The following CHCHD3 variants were observed in gnomAD, a reference collection of about 807,000 sequenced individuals.
CHCHD3 encodes coiled-coil-helix-coiled-coil-helix domain containing 3, also known as MICOS complex subunit MIC19.
In CHCHD3, 20 loss-of-function variants were observed where a neutral mutation model predicts 38.2. The observed-to-expected ratio is 0.52, with a 90% CI of 0.37 to 0.76. The LOEUF (loss-of-function observed/expected upper bound fraction) is 0.76. Ranked by LOEUF, CHCHD3 falls within the 30% of genes least tolerant of loss-of-function variation. The probability of loss-of-function intolerance (pLI) is 0.00; values close to 1 mark genes in which losing one functional copy is unlikely to be tolerated. For synonymous variants in CHCHD3, 82 were observed against 100.0 expected, an observed-to-expected ratio of 0.82 and a Z score of 1.07; for missense variants, 245 against 279.2, an observed-to-expected ratio of 0.88 and a Z score of 0.87.
chr7:132,932,086 A>G lies in CHCHD3; in HGVS notation c.369+43083T>C, dbSNP rs1268327944. On this transcript the variant is annotated intron_variant, in intron 4 of 7. Coordinates refer to ENST00000262570, the MANE Select transcript of CHCHD3 (RefSeq NM_017812.4). Reference sequence around the variant, plus strand: ...ATGGACACTGCAGGATATATTTACCATATTAATTTTTAAGTTTCAAAAGCA... The same window carrying G: ...ATGGACACTGCAGGATATATTTACCGTATTAATTTTTAAGTTTCAAAAGCA... Among the ~76,000 whole-genome samples, 4 of 152,298 alleles carry G rather than the reference A, an allele frequency of 2.6e-5. No homozygotes were observed. The East Asian group carries it at 7.7e-4, about 29-fold the overall frequency.
rs55790233 is a variant in CHCHD3, at chr7:133,004,939, T to C, written c.251+19607A>G. Reference sequence around the variant, plus strand: ...CCAAAGATTATAGTAGAAGTATTTATGGTAATAATAATCATTCTTATTTTT... The same window carrying C: ...CCAAAGATTATAGTAGAAGTATTTACGGTAATAATAATCATTCTTATTTTT... On this transcript the variant is annotated intron_variant, in intron 3 of 7. Coordinates refer to ENST00000262570, the MANE Select transcript of CHCHD3 (RefSeq NM_017812.4). Among the ~76,000 whole-genome samples, 1,155 of 152,172 alleles carry C rather than the reference T, an allele frequency of 7.6e-3. 7 individuals are homozygous for C. The highest frequency in any genetic ancestry group is 0.012 in the Non-Finnish European group (831 of 67,986).
At chr7:132,837,071 T>C (rs1263266119) in intron 6 of CHCHD3, among the ~76,000 whole-genome samples, 1 of 152,196 alleles carries the variant, frequency 6.6e-6, no homozygotes, top group Non-Finnish European at 1.5e-5. Context: ...TCAATACTCT[T>C]CTTAAAGGCT....
At chr7:132,988,341 A>C (rs1245146190) in intron 3 of CHCHD3, among the ~76,000 whole-genome samples, 1 of 152,008 alleles carries the variant, frequency 6.6e-6, no homozygotes, top group Non-Finnish European at 1.5e-5. Flanking sequence ...AGATACCATT[A>C]AAATAAGTGG....
intron 2 of CHCHD3, among the ~76,000 whole-genome samples, chr7:133,042,530 G>A (rs745650596): frequency 2.6e-5 from 4 of 152,298 alleles, no homozygotes; most frequent in East Asian, 1.9e-4. Context: ...TCAACTCTGC[G>A]ATGACACAGG....
At chr7:132,812,652 T>G (rs935120945) in intron 6 of CHCHD3, among the ~76,000 whole-genome samples, 13 of 152,134 alleles carry the variant, frequency 8.5e-5, no homozygotes. Context: ...CACAATTCAT[T>G]ATCAAAACAA....
At chr7:133,016,776 A>C (rs1459010093) in intron 3 of CHCHD3, among the ~76,000 whole-genome samples, 4 of 152,104 alleles carry the variant, frequency 2.6e-5, no homozygotes, top group Non-Finnish European at 5.9e-5. Context: ...AGGACCTCAC[A>C]CTCTTCTCCA....
chr7:132,852,191 C>T (rs1808235527), intron 5 of CHCHD3, among the ~76,000 whole-genome samples: 1 of 152,184 alleles, frequency 6.6e-6, no homozygotes, highest in African/African-American at 2.4e-5. Flanking sequence ...TTCTCCAGCC[C>T]TCAGAGAAGC....
chr7:132,921,412 G>A (rs1259190090), intron 4 of CHCHD3, among the ~76,000 whole-genome samples: 2 of 152,112 alleles, frequency 1.3e-5, no homozygotes, highest in Non-Finnish European at 2.9e-5. Flanking sequence ...ACTGGGACAA[G>A]TTTCAGTATT....
At chr7:133,001,049 T>C (rs772557406) in intron 3 of CHCHD3, among the ~76,000 whole-genome samples, 10 of 152,188 alleles carry the variant, frequency 6.6e-5, no homozygotes, top group Non-Finnish European at 1.2e-4. Flanking sequence ...ATTTCTAAGA[T>C]CTTTATTAAG....
intron 4 of CHCHD3, among the ~76,000 whole-genome samples, chr7:132,949,902 AGTTAGAAGCTC>A (rs1220658095): frequency 6.6e-6 from 1 of 152,172 alleles, no homozygotes; most frequent in Non-Finnish European, 1.5e-5. Flanking sequence ...AGTAGACACA[AGTTAGAAGCTC>A]TGGCCCTTCC....
At chr7:132,883,712 G>T (rs777885893) in intron 5 of CHCHD3, among the ~76,000 whole-genome samples, 7 of 152,156 alleles carry the variant, frequency 4.6e-5, no homozygotes, top group Non-Finnish European at 8.8e-5. Context: ...GAAACCAAAT[G>T]TGGTGTGCAA....
chr7:132,960,605 T>C (rs1483999059), intron 4 of CHCHD3, among the ~76,000 whole-genome samples: 1 of 152,092 alleles, frequency 6.6e-6, no homozygotes. Flanking sequence ...AAATTCAACA[T>C]GGAGCAAGGA....
intron 4 of CHCHD3, among the ~76,000 whole-genome samples, chr7:132,918,879 T>G (rs950627307): frequency 2.0e-5 from 3 of 152,102 alleles, no homozygotes; most frequent in Admixed American, 1.3e-4. Flanking sequence ...ACTGACTTGG[T>G]AAGCAGCTGA....
At chr7:132,915,603 GT>G (rs1331713670) in intron 4 of CHCHD3, among the ~76,000 whole-genome samples, 1 of 151,984 alleles carries the variant, frequency 6.6e-6, no homozygotes, top group Non-Finnish European at 1.5e-5. Flanking sequence ...TATGTGAATT[GT>G]TTTGTTTTGA....
intron 2 of CHCHD3, among the ~76,000 whole-genome samples, chr7:133,037,219 A>G (rs1451185111): frequency 6.6e-6 from 1 of 152,232 alleles, no homozygotes; most frequent in Admixed American, 6.5e-5. Context: ...AGCTTAAAAG[A>G]CTATTAAATC....
chr7:133,053,574 A>G (rs1814229864), intron 2 of CHCHD3, among the ~76,000 whole-genome samples: 1 of 152,216 alleles, frequency 6.6e-6, no homozygotes, highest in South Asian at 2.1e-4. Context: ...TGTGTGGTGA[A>G]GAACCACCCA....
At position 132,941,385 on chromosome 7, in the gene CHCHD3, T is replaced by A. The variant is rs139315866; in HGVS notation, c.369+33784A>T. On this transcript the variant is annotated intron_variant, in intron 4 of 7. Coordinates refer to ENST00000262570, the MANE Select transcript of CHCHD3 (RefSeq NM_017812.4). ...TACATGACACTGAGGTGCTCCCTAC[T>A]TCTCAACGGACCCACACTTCAGCTC... Among the ~76,000 whole-genome samples the A allele has an allele frequency of 3.6e-3, 545 of 152,186 alleles. 5 individuals carry two copies. The highest frequency in any genetic ancestry group is 0.012 in the African/African-American group (505 of 41,516).
At chr7:133,042,045 G>T (rs1813848803) in intron 2 of CHCHD3, among the ~76,000 whole-genome samples, 1 of 152,172 alleles carries the variant, frequency 6.6e-6, no homozygotes, top group African/African-American at 2.4e-5. Flanking sequence ...GTAAAGTTCT[G>T]TAAGAAAATA....
At chr7:132,800,227 G>T (rs1806752968) in intron 6 of CHCHD3, among the ~76,000 whole-genome samples, 1 of 152,096 alleles carries the variant, frequency 6.6e-6, no homozygotes, top group South Asian at 2.1e-4. Flanking sequence ...AAAACATGGT[G>T]AAGGACATAA....
Sources: gnomAD v4.1 joint callset for allele counts (sites outside exome capture counted in the v4.1 genomes callset) on GRCh38, gnomAD v4.1.1 for gene constraint, MANE v1.5 for transcripts, NCBI Gene and HGNC (gene_info 2026-07-23, HGNC 2026-07-21) for gene names.